Variants in G6PC2 observed in about 807,000 individuals in gnomAD.
G6PC2 encodes glucose-6-phosphatase 2.
G6PC2 carries 41 observed loss-of-function variants against 35.4 expected under a neutral mutation model. The observed-to-expected ratio is 1.16, with a 90% CI of 0.90 to 1.50. The LOEUF is 1.50. G6PC2 is among the 40% of genes most tolerant of loss of function. The probability of loss-of-function intolerance (pLI) is 0.00; values close to 1 mark genes in which losing one functional copy is unlikely to be tolerated. For missense variants in G6PC2, 441 were observed against 426.5 expected (o/e 1.03, Z -0.30); for synonymous variants, 165 against 153.2 (o/e 1.08, Z -0.57).
At position 168,907,723 on chromosome 2, in the gene G6PC2, A is replaced by T. The variant is rs768801451; in HGVS notation, c.712A>T (p.Ile238Leu). 6.2e-7 allele frequency: 1 copy of T among 1,614,166 alleles called. No individual in the cohort carries two copies. Among genetic ancestry groups the T allele is most frequent in the Non-Finnish European group, 8.5e-7 (1 of 1,180,034 alleles). Residue 238 changes from isoleucine (I) to leucine (L), a missense_variant, in exon 5 of 5, where the codon ATA becomes TTA. Ile to Leu is a conservative substitution (Grantham distance 5). Transcript: ENST00000375363. ...LNIDLLWSVPIAKKWCANPDW... is the reference protein window; with the variant it reads ...LNIDLLWSVPLAKKWCANPDW... ...CATTGACCTGCTGTGGTCCGTGCCC[A>T]TAGCCAAAAAGTGGTGTGCTAACCC...
At chr2:168,906,390 A>T (rs1042041575) in intron 3 of G6PC2, among the ~76,000 whole-genome samples, 1 of 152,242 alleles carries the variant, frequency 6.6e-6, no homozygotes, top group African/African-American at 2.4e-5. Flanking sequence ...TATTTAATGG[A>T]TGTCAAAATG....
chr2:168,901,323 T>C lies in G6PC2; in HGVS notation c.-9T>C. On this transcript the variant is annotated 5_prime_UTR_variant, in exon 1 of 5. Transcript: ENST00000375363. ...ATTGCTCTATGTTTAGAATTGCCTC[T>C]TTTTCAAGATGGATTTCCTTCACAG... 6.6e-7 allele frequency: 1 copy of C among 1,517,558 alleles called. No individual in the cohort carries two copies. The highest frequency in any genetic ancestry group is 9.2e-7 in the Non-Finnish European group (1 of 1,092,008). The allele number at this position is 1,517,558 out of a possible 1,614,324, so 94.0% of individuals were successfully genotyped here.
chr2:168,904,611 G>C lies in G6PC2; in HGVS notation c.435G>C (p.Leu145=). 1 of 1,537,520 alleles carries C rather than the reference G, an allele frequency of 6.5e-7. No homozygotes were observed. The highest frequency in any genetic ancestry group is 9.0e-7 in the Non-Finnish European group (1 of 1,110,016). Residue 145 remains leucine, a synonymous_variant, in exon 3 of 5, where the codon CTG becomes CTC. Coordinates refer to ENST00000375363, the MANE Select transcript of G6PC2 (RefSeq NM_021176.3). Reference sequence around the variant, plus strand: ...GGATGGATAAGTTCTCTATCACTCTGCACAGGTCAGCTTTGCTGCAGTTTC... The same window carrying C: ...GGATGGATAAGTTCTCTATCACTCTCCACAGGTCAGCTTTGCTGCAGTTTC... ...VCGMDKFSIT[L]HRLTWSFLWS... is the part of the protein sequence containing the mutation.
rs1690760739 is a variant in G6PC2 at position 168,908,076 on chromosome 2, G to A, written c.1065G>A (p.Gln355=). 3 of 1,612,218 alleles carry A rather than the reference G, an allele frequency of 1.9e-6. No homozygotes were observed. The highest frequency in any genetic ancestry group is 1.7e-6 in the Non-Finnish European group (2 of 1,178,880). Residue 355 remains glutamine, a synonymous_variant, in exon 5 of 5, where the codon CAG becomes CAA. Transcript: ENST00000375363. The part of the protein sequence containing the change: ...MLMKQSGKKS[Q] The stretch of plus-strand genomic sequence containing the variant: ...TGAAACAAAGCGGAAAGAAGAGTCA[G>A]TAGAGTGGTGCCTAGAGTTAGTGCT...
Position 168,902,453 on chromosome 2 carries a change from T to C in G6PC2, c.227T>C (p.Phe76Ser). 2 of 1,334,606 alleles carry C rather than the reference T, an allele frequency of 1.5e-6. No individual in the cohort carries two copies. Among genetic ancestry groups the C allele is most frequent in the Non-Finnish European group, 2.2e-6 (2 of 924,832 alleles). 82.7% of individuals were successfully genotyped at this position (1,334,606 alleles called of 1,614,324 possible). Residue 76 changes from phenylalanine to serine, a missense_variant, in exon 2 of 5, where the codon TTT becomes TCT. Physicochemically the swap from Phe to Ser is radical, Grantham distance 155. Transcript: ENST00000375363. ...WLNLIFKWILFGHRPYWWVQE... is the reference protein window; with the variant it reads ...WLNLIFKWILSGHRPYWWVQE... ...TAATTCTTTAAATACAGGATATTAT[T>C]TGGTCATCGACCTTACTGGTGGGTC...
intron 3 of G6PC2, among the ~76,000 whole-genome samples, chr2:168,904,918 G>A (rs192151830): frequency 7.0e-4 from 107 of 152,162 alleles, no homozygotes; most frequent in African/African-American, 2.2e-3. Flanking sequence ...TAAATAAGTC[G>A]TCTAAAATTA....
chr2:168,907,508 A>G (rs973429156), intron 4 of G6PC2, 60 bp from the exon 5 acceptor site: 14 of 1,504,104 alleles, frequency 9.3e-6, no homozygotes, highest in Admixed American at 1.7e-5. Flanking sequence ...GCAGAGAGGA[A>G]TGATCCTCGA....
intron 3 of G6PC2, 21 bp from the exon 4 acceptor site, chr2:168,906,643 G>GT (rs1411728472): frequency 1.1e-5 from 13 of 1,186,938 alleles, no homozygotes; most frequent in Non-Finnish European, 1.6e-5. Flanking sequence ...TTTTATGCTT[G>GT]TATCTATTCT....
At position 168,901,641 on chromosome 2, in the gene G6PC2, T is replaced by C. The variant is rs995732632; in HGVS notation, c.218+92T>C. 24 of 728,052 alleles carry C rather than the reference T, an allele frequency of 3.3e-5. No individual in the cohort carries two copies. The African/African-American group carries it at 3.7e-4, about 11-fold the overall frequency. 45.1% of individuals were successfully genotyped at this position (728,052 alleles called of 1,614,324 possible). A position where few individuals can be genotyped will look rare whatever the true frequency, so the allele number is the denominator to read the frequency against. On this transcript the variant is annotated intron_variant, in intron 1 of 4. Transcript: ENST00000375363. The stretch of plus-strand genomic sequence containing the variant: ...GATCACATTTCAGATGTATATCGTT[T>C]TACTTGGAAAATCTTTCAAAAATAC...
In G6PC2 at chr2:168,904,456, T is replaced by C; in HGVS notation, c.329-49T>C. Reference sequence around the variant, plus strand: ...ATGCTATTCTATTATTCATTTCTGATCTTGATAGTTAACCACTTTTCAAAT... The same window carrying C: ...ATGCTATTCTATTATTCATTTCTGACCTTGATAGTTAACCACTTTTCAAAT... On this transcript the variant is annotated intron_variant, in intron 2 of 4. Coordinates refer to ENST00000375363, the MANE Select transcript of G6PC2 (RefSeq NM_021176.3). 3 of 918,778 alleles carry C rather than the reference T, an allele frequency of 3.3e-6. No individual in the cohort carries two copies. The South Asian group carries it at 3.9e-5, about 12-fold the overall frequency. The allele number at this position is 918,778 out of a possible 1,614,324, so 56.9% of individuals were successfully genotyped here.
At position 168,902,551 on chromosome 2, in the gene G6PC2, C is replaced by T. The variant is rs775174298; in HGVS notation, c.325C>T (p.Pro109Ser). ...GTTCCCTACTACATGTGAAACAGGT[C>T]CAGGTAAGCTATTACAGCAGGCTCC... is the stretch of plus-strand genomic sequence containing the variant. ...EQFPTTCETG[P>S]GSPSGHAMGA... Residue 109 changes from proline (P) to serine (S), a missense_variant, in exon 2 of 5, where the codon CCA (proline) becomes TCA (serine). Coordinates refer to ENST00000375363, the MANE Select transcript of G6PC2 (RefSeq NM_021176.3). The T allele has an allele frequency of 7.5e-7, 1 of 1,325,528 alleles. No individual in the cohort carries two copies. The highest frequency in any genetic ancestry group is 1.7e-5 in the Admixed American group (1 of 59,684). 82.1% of individuals were successfully genotyped at this position (1,325,528 alleles called of 1,614,324 possible).
chr2:168,902,242 G>A (rs1690613197), intron 1 of G6PC2, among the ~76,000 whole-genome samples: 1 of 152,152 alleles, frequency 6.6e-6, no homozygotes, highest in Admixed American at 6.5e-5. Flanking sequence ...TGGGAAACCA[G>A]GGTGCCAAAA....
chr2:168,906,779 G>A lies in G6PC2; in HGVS notation c.556G>A (p.Gly186Ser). ...PHQVILGVIG[G>S]MLVAEAFEHT... ...TCAAGTTATTCTTGGAGTAATTGGT[G>A]GTAAATATGATCACTTACCTTTAGC... The change falls in exon 4 of 5, where the codon GGC becomes AGC. Residue 186 changes from glycine (G) to serine (S), a missense_variant and splice_region_variant. Physicochemically the swap from Gly to Ser is moderately conservative, Grantham distance 56 (BLOSUM62 0). Transcript: ENST00000375363. The A allele has an allele frequency of 1.5e-6, 2 of 1,355,054 alleles. No individual in the cohort carries two copies. Among genetic ancestry groups the A allele is most frequent in the Admixed American group, 1.7e-5 (1 of 59,734 alleles). 83.9% of individuals were successfully genotyped at this position (1,355,054 alleles called of 1,614,324 possible). A position where few individuals can be genotyped will look rare whatever the true frequency, so the allele number is the denominator to read the frequency against.
At chr2:168,903,388 A>G (rs1033248876) in intron 2 of G6PC2, among the ~76,000 whole-genome samples, 12 of 152,204 alleles carry the variant, frequency 7.9e-5, no homozygotes, top group Non-Finnish European at 1.5e-4. Flanking sequence ...TACATCTGTT[A>G]TATCGCTTAT....
chr2:168,901,608 G>T, intron 1 of G6PC2, 59 bp downstream of exon 1: 1 of 885,382 alleles, frequency 1.1e-6, no homozygotes, highest in South Asian at 1.4e-5. Flanking sequence ...TTGTGACTTC[G>T]GCATAATGAT....
intron 4 of G6PC2, 78 bp downstream of exon 4, chr2:168,906,857 C>A: frequency 1.2e-6 from 1 of 827,424 alleles, no homozygotes; most frequent in Non-Finnish European, 2.2e-6. Flanking sequence ...CAGATTGTCC[C>A]CGGTAATCAA....
intron 3 of G6PC2, among the ~76,000 whole-genome samples, chr2:168,905,427 A>G (rs1690686950): frequency 6.6e-6 from 1 of 152,232 alleles, no homozygotes; most frequent in Admixed American, 6.5e-5. Context: ...CACTTGTTAG[A>G]GTAGTATTGG....
Position 168,904,745 on chromosome 2 carries a change from A to G in G6PC2, c.440+129A>G. 4.3e-6 allele frequency: 3 copies of G among 701,336 alleles called. No individual in the cohort carries two copies. The South Asian group carries it at 4.5e-5, about 10-fold the overall frequency. The allele number at this position is 701,336 out of a possible 1,614,324, so 43.4% of individuals were successfully genotyped here. On this transcript the variant is annotated intron_variant, in intron 3 of 4. Transcript: ENST00000375363. The stretch of plus-strand genomic sequence containing the variant: ...ATGTGCTTATTCTATTCTTTCATAG[A>G]CAAAATAACAAAATGAATAGAAAAC...
rs1255661644 is a variant in G6PC2 at position 168,908,426 on chromosome 2, TCA to T, written c.*350_*351del. On this transcript the variant is annotated 3_prime_UTR_variant, in exon 5 of 5. Transcript: ENST00000375363. ...AGTAGGAGGCAAGGACTCCATTTTC[TCA>T]CAGTCTTCAGCATCCCAGCAGGAGC... is the stretch of plus-strand genomic sequence containing the variant. The T allele has an allele frequency of 4.3e-5, 15 of 351,604 alleles. No individual in the cohort carries two copies. In the Admixed American group the frequency reaches 5.8e-4, roughly 14 times the overall value. 21.8% of individuals were successfully genotyped at this position (351,604 alleles called of 1,614,324 possible).
Sources: gnomAD v4.1 joint callset for allele counts (sites outside exome capture counted in the v4.1 genomes callset) on GRCh38, gnomAD v4.1.1 for gene constraint, MANE v1.5 for transcripts, NCBI Gene and HGNC (gene_info 2026-07-23, HGNC 2026-07-21) for gene names.